BMPER: variants seen among roughly 807,000 people sequenced by gnomAD.
BMPER encodes BMP binding endothelial regulator.
A neutral mutation model predicts 87.3 loss-of-function variants in BMPER; 45 were observed. That is an observed-to-expected ratio of 0.52 (90% CI 0.41 to 0.66). The LOEUF (loss-of-function observed/expected upper bound fraction) is 0.66. Among genes scored for constraint, BMPER ranks in the 30% least tolerant of loss-of-function variants. BMPER has a pLI of 0.00. For missense variants in BMPER, 784 were observed against 867.5 expected (o/e 0.90, Z 1.21); for synonymous variants, 326 against 316.2 (o/e 1.03, Z -0.33).
intron 6 of BMPER, among the ~76,000 whole-genome samples, chr7:34,003,265 G>A (rs951618372): frequency 6.6e-6 from 1 of 151,552 alleles, no homozygotes; most frequent in Non-Finnish European, 1.5e-5. Context: ...ATTTTTTAGC[G>A]GTTGACCTGG....
At chr7:34,132,761 A>T (rs1473711156) in intron 13 of BMPER, among the ~76,000 whole-genome samples, 1 of 152,110 alleles carries the variant, frequency 6.6e-6, no homozygotes, top group Non-Finnish European at 1.5e-5. Flanking sequence ...AGAATCACAG[A>T]ATATTAGTAC....
At chr7:34,131,666 C>T (rs1281948625) in intron 13 of BMPER, among the ~76,000 whole-genome samples, 1 of 152,160 alleles carries the variant, frequency 6.6e-6, no homozygotes, top group Non-Finnish European at 1.5e-5. Flanking sequence ...TTCCTCACCG[C>T]CATTTGTGAC....
chr7:33,991,595 G>GT (rs983822119), intron 6 of BMPER, among the ~76,000 whole-genome samples: 24 of 152,016 alleles, frequency 1.6e-4, no homozygotes, highest in Admixed American at 3.9e-4. Flanking sequence ...TTTTTGAAGG[G>GT]TTTTTTGTGT....
intron 14 of BMPER, among the ~76,000 whole-genome samples, chr7:34,146,135 A>G (rs1791012850): frequency 6.6e-6 from 1 of 152,174 alleles, no homozygotes; most frequent in Non-Finnish European, 1.5e-5. Context: ...ACAGATCTGT[A>G]GCATCTCTCA....
At chr7:33,938,071 T>G (rs1035117850) in intron 3 of BMPER, among the ~76,000 whole-genome samples, 1 of 152,338 alleles carries the variant, frequency 6.6e-6, no homozygotes, top group Non-Finnish European at 1.5e-5. Context: ...TTTAGATTTC[T>G]ATGGCCTCTA....
chr7:34,038,795 G>T (rs1787755344), intron 6 of BMPER, among the ~76,000 whole-genome samples: 1 of 152,120 alleles, frequency 6.6e-6, no homozygotes, highest in Non-Finnish European at 1.5e-5. Context: ...TTGCTGACAT[G>T]TTCTTGAATA....
intron 11 of BMPER, among the ~76,000 whole-genome samples, chr7:34,073,123 TTAAC>T (rs1219704726): frequency 8.5e-5 from 13 of 152,180 alleles, no homozygotes; most frequent in African/African-American, 1.2e-4. Context: ...CTCAAATTAA[TTAAC>T]TAACTCATTC....
At chr7:34,110,189 T>C (rs1334677862) in intron 13 of BMPER, among the ~76,000 whole-genome samples, 1 of 152,166 alleles carries the variant, frequency 6.6e-6, no homozygotes, top group Non-Finnish European at 1.5e-5. Context: ...TTATCATCTT[T>C]GGTCTTCTCG....
chr7:34,031,829 A>T (rs978796146), intron 6 of BMPER, among the ~76,000 whole-genome samples: 1 of 146,146 alleles, frequency 6.8e-6, no homozygotes. Flanking sequence ...AAACTCCCCA[A>T]GGTAACTCAT....
At chr7:34,042,213 A>T (rs1204530836) in intron 6 of BMPER, among the ~76,000 whole-genome samples, 1 of 152,212 alleles carries the variant, frequency 6.6e-6, no homozygotes, top group Non-Finnish European at 1.5e-5. Context: ...CTTTCTTTTT[A>T]AAAAATAGCT....
At chr7:34,112,988 G>C (rs1416986145) in intron 13 of BMPER, among the ~76,000 whole-genome samples, 1 of 151,446 alleles carries the variant, frequency 6.6e-6, no homozygotes, top group East Asian at 1.9e-4. Context: ...GAGTTTCTAG[G>C]TCAAATGGCA....
chr7:34,123,029 G>C (rs927657067), intron 13 of BMPER, among the ~76,000 whole-genome samples: 4 of 152,108 alleles, frequency 2.6e-5, no homozygotes, highest in African/African-American at 9.7e-5. Flanking sequence ...CATTTCTAAA[G>C]TGAACTAAAA....
At chr7:34,147,127 C>T (rs779486511) in intron 14 of BMPER, among the ~76,000 whole-genome samples, 10 of 152,168 alleles carry the variant, frequency 6.6e-5, no homozygotes, top group Non-Finnish European at 1.2e-4. Flanking sequence ...GTTTGCTGGG[C>T]TATGTGAACA....
intron 11 of BMPER, among the ~76,000 whole-genome samples, chr7:34,077,008 G>A (rs1788882481): frequency 6.6e-6 from 1 of 152,192 alleles, no homozygotes; most frequent in African/African-American, 2.4e-5. Context: ...TCAACTGGGT[G>A]CATCTGGTCA....
At chr7:33,961,339 AT>A (rs1785265115) in intron 3 of BMPER, among the ~76,000 whole-genome samples, 1 of 152,126 alleles carries the variant, frequency 6.6e-6, no homozygotes, top group Non-Finnish European at 1.5e-5. Context: ...CTCTGATCCA[AT>A]TTGTCTAGAA....
chr7:33,905,265 A>G, upstream of BMPER: 1 of 374,258 alleles, frequency 2.7e-6, no homozygotes, highest in Non-Finnish European at 5.1e-6. Context: ...AGCTCCTCTC[A>G]GTCTATCTCC....
At chr7:34,017,981 A>C (rs1787078037) in intron 6 of BMPER, among the ~76,000 whole-genome samples, 1 of 151,686 alleles carries the variant, frequency 6.6e-6, no homozygotes, top group South Asian at 2.1e-4. Flanking sequence ...AAAAAAAAAA[A>C]ACAAAACCCG....
Position 34,129,680 on chromosome 7 carries a change from G to GAAAGAAAGAAAGAAAGAAAGAA in BMPER, c.1746-13547_1746-13546insGAAAGAAAGAAAGAAAGAAAAA, listed in dbSNP as rs1313374728. Among the ~76,000 whole-genome samples the GAAAGAAAGAAAGAAAGAAAGAA allele has an allele frequency of 4.6e-4, 69 of 151,294 alleles. 1 individual carries two copies. Among genetic ancestry groups the GAAAGAAAGAAAGAAAGAAAGAA allele is most frequent in the African/African-American group, 1.6e-3 (67 of 41,092 alleles). On this transcript the variant is annotated intron_variant, in intron 13 of 14. Transcript: ENST00000649409. ...AGAAAGAAAGAAAGAAAGAAAGAAA[G>GAAAGAAAGAAAGAAAGAAAGAA]AAAACCTGCCATATTATAATTTAGG...
intron 2 of BMPER, among the ~76,000 whole-genome samples, chr7:33,930,927 G>A (rs1466905405): frequency 6.6e-6 from 1 of 152,208 alleles, no homozygotes; most frequent in East Asian, 1.9e-4. Flanking sequence ...TCCAGCCTGG[G>A]TGATGGAGCA....
Sources: allele counts gnomAD v4.1 joint callset (sites outside exome capture counted in the v4.1 genomes callset), GRCh38; gene constraint gnomAD v4.1.1; transcripts MANE v1.5; gene names NCBI Gene and HGNC (gene_info 2026-07-23, HGNC 2026-07-21).